C2orf69: variants seen among roughly 807,000 people sequenced by gnomAD.
C2orf69 encodes chromosome 2 open reading frame 69, also known as mitochondrial protein C2orf69.
In C2orf69, 19 loss-of-function variants were observed where a neutral mutation model predicts 29.5. The observed-to-expected ratio is 0.65, with a 90% CI of 0.45 to 0.95. The LOEUF is 0.95. Ranked by LOEUF, C2orf69 falls within the 40% of genes least tolerant of loss-of-function variation. The probability of loss-of-function intolerance (pLI) is 0.00; values close to 1 mark genes in which losing one functional copy is unlikely to be tolerated. For missense variants in C2orf69, 416 were observed against 482.1 expected, an observed-to-expected ratio of 0.86 and a Z score of 1.28; for synonymous variants, 194 against 180.0, an observed-to-expected ratio of 1.08 and a Z score of -0.62.
intron 1 of C2orf69, among the ~76,000 whole-genome samples, chr2:199,922,382 C>T (rs1382527871): frequency 6.6e-6 from 1 of 152,082 alleles, no homozygotes; most frequent in Non-Finnish European, 1.5e-5. Flanking sequence ...GCGTGAACCG[C>T]CGCCCCCAGC....
intron 1 of C2orf69, among the ~76,000 whole-genome samples, chr2:199,923,238 G>A (rs1039582472): frequency 1.3e-5 from 2 of 151,830 alleles, no homozygotes; most frequent in East Asian, 1.9e-4. Flanking sequence ...ATTATGTTCC[G>A]TTGTACTTAC....
At chr2:199,917,347 T>C (rs1409718645) in intron 1 of C2orf69, among the ~76,000 whole-genome samples, 2 of 152,240 alleles carry the variant, frequency 1.3e-5, no homozygotes, top group Non-Finnish European at 2.9e-5. Context: ...TCCTCGTTAC[T>C]TATGCAAGTT....
intron 1 of C2orf69, among the ~76,000 whole-genome samples, chr2:199,922,981 G>GATC (rs1179247532): frequency 6.6e-6 from 1 of 152,118 alleles, no homozygotes; most frequent in African/African-American, 2.4e-5. Context: ...CCCCCTTTGT[G>GATC]ATCACATTTG....
chr2:199,924,228 G>A lies in C2orf69; in HGVS notation c.334-834G>A, dbSNP rs541119850. ...TTGAGACCAGCCTGTGCAACAAAGT[G>A]AGACCTTCTCTCTACAAAGAATAAA... On this transcript the variant is annotated intron_variant, in intron 1 of 1. Transcript: ENST00000319974. 2.0e-5 allele frequency among the ~76,000 whole-genome samples: 3 copies of A among 152,274 alleles called. No homozygotes were observed. In the East Asian group the frequency reaches 5.8e-4, roughly 29 times the overall value.
chr2:199,924,093 A>T (rs1432104943), intron 1 of C2orf69, among the ~76,000 whole-genome samples: 1 of 152,202 alleles, frequency 6.6e-6, no homozygotes, highest in Non-Finnish European at 1.5e-5. Flanking sequence ...TAGAATGCTT[A>T]TAAATAAGGT....
chr2:199,911,412 T>C lies in C2orf69; in HGVS notation c.-27T>C, dbSNP rs1450575236. The C allele has an allele frequency of 4.0e-6, 6 of 1,492,990 alleles. No individual in the cohort carries two copies. Among genetic ancestry groups the C allele is most frequent in the East Asian group, 5.1e-5 (2 of 39,534 alleles). The allele number at this position is 1,492,990 out of a possible 1,614,324, so 92.5% of individuals were successfully genotyped here. On this transcript the variant is annotated 5_prime_UTR_variant, in exon 1 of 2. Transcript: ENST00000319974. ...AGGAACCCCTCCGCCACCCTCCACCTCCGAACCGCTCTCGCGGCGGCGACC... is the reference window on the plus strand; with the variant it reads ...AGGAACCCCTCCGCCACCCTCCACCCCCGAACCGCTCTCGCGGCGGCGACC...
intron 1 of C2orf69, among the ~76,000 whole-genome samples, chr2:199,916,164 T>C (rs2077292067): frequency 6.6e-6 from 1 of 152,142 alleles, no homozygotes; most frequent in South Asian, 2.1e-4. Context: ...TGTGTCCTTC[T>C]TCACATGGCA....
chr2:199,918,929 G>T (rs1165506502), intron 1 of C2orf69, among the ~76,000 whole-genome samples: 1 of 149,850 alleles, frequency 6.7e-6, no homozygotes, highest in African/African-American at 2.5e-5. Flanking sequence ...CATCCATATT[G>T]TTACCTGTAT....
chr2:199,924,863 G>A (rs545568749), intron 1 of C2orf69, among the ~76,000 whole-genome samples, 199 bp from the exon 2 acceptor site: 4 of 152,044 alleles, frequency 2.6e-5, no homozygotes, highest in Admixed American at 6.6e-5. Flanking sequence ...TAGATTTCAG[G>A]CTTAAACTGA....
rs1431554371 is a variant in C2orf69 at position 199,926,709 on chromosome 2, CATT to C, written c.*827_*829del. The C allele has an allele frequency of 2.0e-5, 3 of 152,598 alleles. No individual in the cohort carries two copies. Among genetic ancestry groups the C allele is most frequent in the African/African-American group, 7.2e-5 (3 of 41,450 alleles). 9.5% of individuals were successfully genotyped at this position (152,598 alleles called of 1,614,324 possible). ...GTTTAATTTTTAATTGTCAGTTTATCATTATTTTGGGTAAGACATTCTGGGGTT... is the reference window on the plus strand; with the variant it reads ...GTTTAATTTTTAATTGTCAGTTTATCATTTTGGGTAAGACATTCTGGGGTT... On this transcript the variant is annotated 3_prime_UTR_variant, in exon 2 of 2. Transcript: ENST00000319974.
chr2:199,922,031 T>TTTTATATATATA (rs1553566020), intron 1 of C2orf69, among the ~76,000 whole-genome samples: 15 of 78,984 alleles, frequency 1.9e-4, no homozygotes, highest in African/African-American at 6.3e-4. Context: ...ACTGTTATTT[T>TTTTATATATATA]TATATATATA....
chr2:199,917,583 C>T (rs1459407720), intron 1 of C2orf69, among the ~76,000 whole-genome samples: 1 of 152,146 alleles, frequency 6.6e-6, no homozygotes, highest in African/African-American at 2.4e-5. Flanking sequence ...TGCTTCAGTT[C>T]TAAAAAGTTT....
rs1228120541 is a variant in C2orf69, at chr2:199,926,126, T to C, written c.*240T>C. The stretch of plus-strand genomic sequence containing the variant: ...ATTTGAAATCTAACAAGGTGGTTTG[T>C]AATAATGCTGAGGAGATATAAGACC... On this transcript the variant is annotated 3_prime_UTR_variant, in exon 2 of 2. Coordinates refer to ENST00000319974, the MANE Select transcript of C2orf69 (RefSeq NM_153689.6). 8.8e-6 allele frequency: 4 copies of C among 453,234 alleles called. No individual in the cohort carries two copies. Among genetic ancestry groups the C allele is most frequent in the Non-Finnish European group, 1.6e-5 (4 of 252,720 alleles). The allele number at this position is 453,234 out of a possible 1,614,324, so 28.1% of individuals were successfully genotyped here.
chr2:199,921,708 CTA>C (rs1378093486), intron 1 of C2orf69, among the ~76,000 whole-genome samples: 1 of 151,704 alleles, frequency 6.6e-6, no homozygotes, highest in Non-Finnish European at 1.5e-5. Flanking sequence ...TAAGTGAAAA[CTA>C]TGTATAAGCT....
At chr2:199,924,931 C>A in intron 1 of C2orf69, 131 bp from the exon 2 acceptor site, 1 of 597,578 alleles carries the variant, frequency 1.7e-6, no homozygotes, top group Non-Finnish European at 3.0e-6. Flanking sequence ...TTATAGTTTT[C>A]ATTTCTAGTG....
At position 199,911,618 on chromosome 2, in the gene C2orf69, G is replaced by A. The variant is rs1260388434; in HGVS notation, c.180G>A (p.Val60=). 3 of 1,549,516 alleles carry A rather than the reference G, an allele frequency of 1.9e-6. No homozygotes were observed. The highest frequency in any genetic ancestry group is 2.4e-5 in the South Asian group (2 of 83,986). The change falls in exon 1 of 2, where the codon GTG becomes GTA. Residue 60 remains valine (V), a synonymous_variant. Transcript: ENST00000319974. ...RRRQCLQLST[V]PGADPQRSNE... is the part of the protein sequence containing the mutation. ...GTCAGTGCCTGCAGCTTTCCACCGT[G>A]CCTGGAGCCGATCCGCAGCGCAGCA...
intron 1 of C2orf69, among the ~76,000 whole-genome samples, chr2:199,913,561 T>A (rs1342377419): frequency 7.6e-6 from 1 of 130,934 alleles, no homozygotes; most frequent in Non-Finnish European, 1.6e-5. Flanking sequence ...ATATATATAT[T>A]TTTATAATAT....
rs569314988 is a variant in C2orf69, at chr2:199,927,214, G to T, written c.*1328G>T. 1 of 151,204 alleles carries T rather than the reference G, an allele frequency of 6.6e-6. No homozygotes were observed. Among genetic ancestry groups the T allele is most frequent in the South Asian group, 2.1e-4 (1 of 4,768 alleles). The allele number at this position is 151,204 out of a possible 1,614,324, so 9.4% of individuals were successfully genotyped here. ...CAACCAACATTGACATTGTAATTGGGTGATTACAATAAAAGGTGAGCAGTT... is the reference window on the plus strand; with the variant it reads ...CAACCAACATTGACATTGTAATTGGTTGATTACAATAAAAGGTGAGCAGTT... On this transcript the variant is annotated 3_prime_UTR_variant, in exon 2 of 2. Transcript: ENST00000319974.
chr2:199,911,831 T>A (rs950280575), intron 1 of C2orf69, 60 bp downstream of exon 1: 36 of 1,533,234 alleles, frequency 2.3e-5, no homozygotes, highest in Admixed American at 5.9e-5. Flanking sequence ...ACGCGGTCAC[T>A]GATTCTTCCC....
Sources: gnomAD v4.1 joint callset for allele counts (sites outside exome capture counted in the v4.1 genomes callset) on GRCh38, gnomAD v4.1.1 for gene constraint, MANE v1.5 for transcripts, NCBI Gene and HGNC (gene_info 2026-07-23, HGNC 2026-07-21) for gene names.